The following IFT74 variants were observed in gnomAD, a reference collection of about 807,000 sequenced individuals.
IFT74 encodes intraflagellar transport 74, also known as intraflagellar transport protein 74 homolog.
Under a neutral mutation model 96.7 loss-of-function variants are expected in IFT74, and 92 were observed. The ratio of observed to expected loss-of-function variants is 0.95; its 90% confidence interval spans 0.80 to 1.13. The LOEUF is 1.13. IFT74 is among the 50% of genes most tolerant of loss of function. The pLI, the probability that IFT74 is intolerant of heterozygous loss-of-function variation, is 0.00. For missense variants in IFT74, 811 were observed against 698.2 expected (o/e 1.16, Z -1.82); for synonymous variants, 223 against 213.2 (o/e 1.05, Z -0.40).
intron 2 of IFT74, chr9:26,976,899 T>C (rs1179879676): frequency 7.3e-6 from 3 of 411,276 alleles, no homozygotes; most frequent in African/African-American, 4.1e-5. Context: ...ATAATATGAA[T>C]GCTTGTTTAA....
chr9:27,050,535 G>A (rs886928230), intron 16 of IFT74, among the ~76,000 whole-genome samples: 1 of 152,190 alleles, frequency 6.6e-6, no homozygotes, highest in East Asian at 1.9e-4. Context: ...TTCTGTGGGT[G>A]TTCTTTATGC....
intron 16 of IFT74, among the ~76,000 whole-genome samples, chr9:27,049,125 T>C (rs553592506): frequency 3.9e-5 from 6 of 152,182 alleles, no homozygotes; most frequent in African/African-American, 1.4e-4. Flanking sequence ...TCTGTCATGA[T>C]TGTAAGCTTC....
At chr9:26,967,044 CT>C (rs774615807) in intron 2 of IFT74, among the ~76,000 whole-genome samples, 52 of 143,834 alleles carry the variant, frequency 3.6e-4, no homozygotes, top group African/African-American at 6.4e-4. Flanking sequence ...TTTTCTTTTC[CT>C]TTTTTTTTTA....
chr9:26,996,523 T>C (rs771985314), intron 8 of IFT74: 1 of 1,359,806 alleles, frequency 7.4e-7, no homozygotes, highest in South Asian at 2.2e-5. Context: ...AAGAATAAGA[T>C]TTAGTATAGA....
chr9:26,999,601 TG>T, intron 8 of IFT74: 1 of 1,534,634 alleles, frequency 6.5e-7, no homozygotes, highest in Non-Finnish European at 8.9e-7. Context: ...CTATTTTGAT[TG>T]TAAAAACTTA....
chr9:26,992,325 A>C (rs1384237965), intron 8 of IFT74, among the ~76,000 whole-genome samples: 1 of 151,880 alleles, frequency 6.6e-6, no homozygotes, highest in Non-Finnish European at 1.5e-5. Flanking sequence ...CCATTTAAAA[A>C]CTCTGTCTGT....
In IFT74 at chr9:26,980,596, A is replaced by G; in HGVS notation, c.282A>G (p.Lys94=). ...GTCCCCAGAGGCAAATTTTAGACAA[A>G]TCTTACTATCTTGGGCTTCTTAGGT... ...TKGPQRQILD[K]SYYLGLLRSK... is the part of the protein sequence containing the mutation. Residue 94 remains lysine (K), a synonymous_variant, in exon 4 of 20, where the codon AAA becomes AAG. Transcript: ENST00000380062. The G allele has an allele frequency of 6.2e-7, 1 of 1,605,926 alleles. No homozygotes were observed. The highest frequency in any genetic ancestry group is 8.5e-7 in the Non-Finnish European group (1 of 1,172,942).
chr9:27,057,326 A>C (rs1260924538), intron 18 of IFT74, among the ~76,000 whole-genome samples: 1 of 152,060 alleles, frequency 6.6e-6, no homozygotes, highest in African/African-American at 2.4e-5. Context: ...TGAGGTCTAG[A>C]TTGAGAGCTC....
chr9:26,975,220 G>A (rs1827059711), intron 2 of IFT74, among the ~76,000 whole-genome samples: 1 of 152,122 alleles, frequency 6.6e-6, no homozygotes, highest in Non-Finnish European at 1.5e-5. Context: ...GGTGTGGGTT[G>A]TTTAGGAACA....
At chr9:26,969,609 A>G (rs1466668885) in intron 2 of IFT74, among the ~76,000 whole-genome samples, 1 of 151,664 alleles carries the variant, frequency 6.6e-6, no homozygotes, top group Non-Finnish European at 1.5e-5. Flanking sequence ...TGTTCCTGTC[A>G]TTTTGTTAGT....
intron 13 of IFT74, among the ~76,000 whole-genome samples, chr9:27,031,262 A>C (rs1472907933): frequency 6.6e-6 from 1 of 152,072 alleles, no homozygotes; most frequent in African/African-American, 2.4e-5. Flanking sequence ...GCGGATCACC[A>C]GGTCAGGAGA....
chr9:27,045,814 T>G (rs1819675395), intron 14 of IFT74, among the ~76,000 whole-genome samples: 1 of 152,190 alleles, frequency 6.6e-6, no homozygotes, highest in Non-Finnish European at 1.5e-5. Flanking sequence ...GTACCAAGTT[T>G]TCTTTAAAAT....
intron 16 of IFT74, among the ~76,000 whole-genome samples, chr9:27,051,370 G>A (rs986203410): frequency 6.6e-6 from 1 of 152,080 alleles, no homozygotes; most frequent in Non-Finnish European, 1.5e-5. Flanking sequence ...AACTGGAGGA[G>A]TTACATTCTT....
intron 8 of IFT74, among the ~76,000 whole-genome samples, chr9:27,002,500 C>G (rs1225264310): frequency 6.6e-6 from 1 of 152,306 alleles, no homozygotes; most frequent in Non-Finnish European, 1.5e-5. Context: ...TTTCATTTTT[C>G]CATATATAGT....
intron 12 of IFT74, among the ~76,000 whole-genome samples, chr9:27,021,392 C>A (rs1829595026): frequency 6.6e-6 from 1 of 152,134 alleles, no homozygotes. Flanking sequence ...ACTTTTAGTT[C>A]TTTAAGGAAT....
rs201549705 is a variant in IFT74 at position 26,982,167 on chromosome 9, T to C, written c.305+1548T>C. 3.4e-5 allele frequency: 7 copies of C among 204,878 alleles called. No individual in the cohort carries two copies. The East Asian group carries it at 1.2e-3, about 35-fold the overall frequency. The allele number at this position is 204,878 out of a possible 1,614,324, so 12.7% of individuals were successfully genotyped here. A position where few individuals can be genotyped will look rare whatever the true frequency, so the allele number is the denominator to read the frequency against. ...TACATCTAATAAGAAAGGGAAAATATGTATACTTATTTATGTTATATTAAT... is the reference window on the plus strand; with the variant it reads ...TACATCTAATAAGAAAGGGAAAATACGTATACTTATTTATGTTATATTAAT... On this transcript the variant is annotated intron_variant, in intron 4 of 19. Coordinates refer to ENST00000380062, the MANE Select transcript of IFT74 (RefSeq NM_025103.4).
upstream of IFT74, among the ~76,000 whole-genome samples, chr9:26,954,126 G>T (rs1023384750): frequency 2.0e-5 from 3 of 152,180 alleles, no homozygotes; most frequent in African/African-American, 7.2e-5. Context: ...CCTACTGTCA[G>T]GGTTTGTTAT....
chr9:27,045,597 A>G (rs1269651990), intron 14 of IFT74, among the ~76,000 whole-genome samples: 1 of 152,156 alleles, frequency 6.6e-6, no homozygotes, highest in Non-Finnish European at 1.5e-5. Context: ...GCCTGATTTT[A>G]TAAATTGGTT....
intron 1 of IFT74, among the ~76,000 whole-genome samples, chr9:26,958,258 C>A (rs755166230): frequency 3.9e-5 from 6 of 152,050 alleles, no homozygotes; most frequent in Non-Finnish European, 7.3e-5. Flanking sequence ...GTGATAGGTT[C>A]TGGAATAAAG....
Sources: gnomAD v4.1 joint callset for allele counts (sites outside exome capture counted in the v4.1 genomes callset) on GRCh38, gnomAD v4.1.1 for gene constraint, MANE v1.5 for transcripts, NCBI Gene and HGNC (gene_info 2026-07-23, HGNC 2026-07-21) for gene names.